Variants in PGM2L1 observed in about 807,000 individuals in gnomAD.
PGM2L1 encodes phosphoglucomutase 2 like 1.
PGM2L1 carries 35 observed loss-of-function variants against 73.4 expected under a neutral mutation model. The observed-to-expected ratio is 0.48, with a 90% CI of 0.36 to 0.63. The LOEUF (loss-of-function observed/expected upper bound fraction) is 0.63. Ranked by LOEUF, PGM2L1 falls within the 30% of genes least tolerant of loss-of-function variation. The pLI, the probability that PGM2L1 is intolerant of heterozygous loss-of-function variation, is 0.00. For missense variants in PGM2L1, 570 were observed against 742.0 expected (o/e 0.77, Z 2.69); for synonymous variants, 225 against 253.8 (o/e 0.89, Z 1.08).
chr11:74,354,828 G>GA (rs1266441004), intron 5 of PGM2L1: 42 of 712,202 alleles, frequency 5.9e-5, no homozygotes, highest in Middle Eastern at 8.6e-4. Flanking sequence ...AACAGTATGG[G>GA]AAAAAAATGA....
intron 13 of PGM2L1, among the ~76,000 whole-genome samples, chr11:74,337,442 A>G (rs900824350): frequency 6.6e-6 from 1 of 152,258 alleles, no homozygotes; most frequent in Non-Finnish European, 1.5e-5. Flanking sequence ...AGGAAATGAA[A>G]TCTATCCTTA....
At chr11:74,389,637 T>C (rs1050907582) in intron 1 of PGM2L1, among the ~76,000 whole-genome samples, 12 of 150,912 alleles carry the variant, frequency 8.0e-5, no homozygotes, top group African/African-American at 2.9e-4. Context: ...TTAACAGAGA[T>C]GGGGGTTTCA....
intron 5 of PGM2L1, among the ~76,000 whole-genome samples, chr11:74,357,603 T>G (rs1016817989): frequency 5.9e-5 from 9 of 152,258 alleles, no homozygotes; most frequent in Non-Finnish European, 1.5e-5. Flanking sequence ...ATAGCCACTT[T>G]AGAGACAGTT....
chr11:74,377,195 C>T (rs2134937518), intron 1 of PGM2L1, among the ~76,000 whole-genome samples: 1 of 150,038 alleles, frequency 6.7e-6, no homozygotes, highest in South Asian at 2.1e-4. Flanking sequence ...AGAGCAGTGG[C>T]GCGATCTCGG....
chr11:74,343,165 CTTT>C, intron 10 of PGM2L1, 151 bp from the exon 11 acceptor site: 1 of 1,179,646 alleles, frequency 8.5e-7, no homozygotes, highest in Non-Finnish European at 1.1e-6. Flanking sequence ...CACTTTCGTT[CTTT>C]TTTTTTTCTG....
Position 74,342,669 on chromosome 11 carries a change from T to C in PGM2L1, c.1443-19A>G. The C allele has an allele frequency of 6.7e-7, 1 of 1,498,468 alleles. No homozygotes were observed. The highest frequency in any genetic ancestry group is 1.4e-5 in the South Asian group (1 of 73,352). 92.8% of individuals were successfully genotyped at this position (1,498,468 alleles called of 1,614,324 possible). ...ACCATATCTGTGCAAAGATTCAAAG[T>C]GCTAAAATTAGATTTCAGATAACTC... On this transcript the variant is annotated intron_variant, in intron 11 of 13. Coordinates refer to ENST00000298198, the MANE Select transcript of PGM2L1 (RefSeq NM_173582.6).
chr11:74,396,269 A>T (rs1289773485), intron 1 of PGM2L1, among the ~76,000 whole-genome samples: 1 of 12,132 alleles, frequency 8.2e-5, no homozygotes, highest in Non-Finnish European at 5.0e-4. Context: ...CCCTGTTTAA[A>T]AAAAAAAAAA....
At chr11:74,373,853 G>A (rs372783262) in intron 2 of PGM2L1, among the ~76,000 whole-genome samples, 28 of 152,236 alleles carry the variant, frequency 1.8e-4, no homozygotes, top group African/African-American at 6.5e-4. Context: ...TTGTTAAGAA[G>A]TTGACAATGG....
intron 5 of PGM2L1, among the ~76,000 whole-genome samples, chr11:74,363,635 A>G (rs1862603406): frequency 6.6e-6 from 1 of 152,344 alleles, no homozygotes; most frequent in East Asian, 1.9e-4. Flanking sequence ...ATTCCTGGAC[A>G]CATACACCCT....
intron 5 of PGM2L1, among the ~76,000 whole-genome samples, chr11:74,364,682 G>A (rs1048459923): frequency 6.6e-6 from 1 of 152,124 alleles, no homozygotes; most frequent in Non-Finnish European, 1.5e-5. Context: ...TCTTCAAGGA[G>A]AACTACAAAC....
At chr11:74,372,743 A>T (rs1331905877) in intron 2 of PGM2L1, among the ~76,000 whole-genome samples, 1 of 152,204 alleles carries the variant, frequency 6.6e-6, no homozygotes, top group Non-Finnish European at 1.5e-5. Flanking sequence ...GATTTATTGA[A>T]GACCTATTAT....
At chr11:74,348,202 C>T (rs1238182293) in intron 6 of PGM2L1, among the ~76,000 whole-genome samples, 2 of 152,174 alleles carry the variant, frequency 1.3e-5, no homozygotes, top group Non-Finnish European at 2.9e-5. Context: ...GGATAATTCT[C>T]TCTCGCCGGC....
At chr11:74,346,605 G>T in intron 8 of PGM2L1, 127 bp downstream of exon 8, 1 of 675,434 alleles carries the variant, frequency 1.5e-6, no homozygotes, top group Non-Finnish European at 2.5e-6. Context: ...GTTATTTTGG[G>T]ATAATGGATT....
At chr11:74,343,468 A>T in intron 9 of PGM2L1, 52 bp from the exon 10 acceptor site, 2 of 1,580,332 alleles carry the variant, frequency 1.3e-6, no homozygotes, top group Non-Finnish European at 1.7e-6. Flanking sequence ...ACAAATACCT[A>T]TTAGAGAAAA....
At chr11:74,363,906 C>CA (rs1011807616) in intron 5 of PGM2L1, among the ~76,000 whole-genome samples, 32 of 150,694 alleles carry the variant, frequency 2.1e-4, no homozygotes, top group South Asian at 2.1e-3. Flanking sequence ...AGAGACACAA[C>CA]AAAAAAAAAG....
At chr11:74,396,449 C>T (rs113164927) in intron 1 of PGM2L1, among the ~76,000 whole-genome samples, 4,815 of 151,600 alleles carry the variant, frequency 0.032, 244 homozygotes, top group African/African-American at 0.11. Flanking sequence ...GAGTCTCGCT[C>T]TGTCGCCCAG....
At chr11:74,378,771 T>C (rs528632787) in intron 1 of PGM2L1, among the ~76,000 whole-genome samples, 89 of 152,296 alleles carry the variant, frequency 5.8e-4, no homozygotes, top group African/African-American at 2.1e-3. Context: ...GAATTGATTT[T>C]TCCAAAACCA....
intron 1 of PGM2L1, among the ~76,000 whole-genome samples, chr11:74,375,168 G>T (rs1324857738): frequency 6.6e-6 from 1 of 152,102 alleles, no homozygotes; most frequent in Non-Finnish European, 1.5e-5. Flanking sequence ...ATTTATCTAT[G>T]GCACAAGTTG....
At chr11:74,379,813 T>A (rs1489127912) in intron 1 of PGM2L1, among the ~76,000 whole-genome samples, 1 of 151,980 alleles carries the variant, frequency 6.6e-6, no homozygotes, top group Non-Finnish European at 1.5e-5. Flanking sequence ...TAATCCCAGC[T>A]ATTCGGGAGG....
Sources: gnomAD v4.1 joint callset for allele counts (sites outside exome capture counted in the v4.1 genomes callset) on GRCh38, gnomAD v4.1.1 for gene constraint, MANE v1.5 for transcripts, NCBI Gene and HGNC (gene_info 2026-07-23, HGNC 2026-07-21) for gene names.